The following PAM variants were observed in gnomAD, a reference collection of about 807,000 sequenced individuals.
PAM encodes peptidyl-glycine alpha-amidating monooxygenase.
Under a neutral mutation model 122.1 loss-of-function variants are expected in PAM, and 72 were observed. The ratio of observed to expected loss-of-function variants is 0.59; its 90% CI spans 0.49 to 0.72. The LOEUF is 0.72. Ranked by LOEUF, PAM falls within the 30% of genes least tolerant of loss-of-function variation. PAM has a pLI of 0.00. For missense variants in PAM, 1,106 were observed against 1,183.7 expected (o/e 0.93, Z 0.96); for synonymous variants, 389 against 404.4 (o/e 0.96, Z 0.46).
chr5:102,843,370 A>G (rs1483456846), intron 1 of PAM, among the ~76,000 whole-genome samples: 2 of 152,206 alleles, frequency 1.3e-5, no homozygotes, highest in African/African-American at 4.8e-5. Context: ...ACAAAAACGA[A>G]CACAAAATAG....
At chr5:102,758,084 T>TG (rs1461575054) in intron 1 of PAM, among the ~76,000 whole-genome samples, 2 of 43,000 alleles carry the variant, frequency 4.7e-5, no homozygotes, top group Non-Finnish European at 1.1e-4. Flanking sequence ...TTTTTTTTTT[T>TG]TTTTTTTTTT....
chr5:103,000,290 A>T (rs1274529041), intron 16 of PAM, among the ~76,000 whole-genome samples: 2 of 152,128 alleles, frequency 1.3e-5, no homozygotes, highest in African/African-American at 2.4e-5. Flanking sequence ...ACATAGCAAG[A>T]CCTTTATTCC....
At chr5:102,980,822 T>C (rs565124082) in intron 15 of PAM, among the ~76,000 whole-genome samples, 1 of 152,308 alleles carries the variant, frequency 6.6e-6, no homozygotes, top group South Asian at 2.1e-4. Flanking sequence ...AACACTTGGC[T>C]AAGTAATGTA....
chr5:102,872,232 G>A (rs1005848981), intron 3 of PAM, among the ~76,000 whole-genome samples: 5 of 152,080 alleles, frequency 3.3e-5, no homozygotes, highest in Admixed American at 2.0e-4. Context: ...GTGTATCTAA[G>A]CACATATATC....
rs1323898257 is a variant in PAM, at chr5:102,907,664, C to T, written c.268+6251C>T. Among the ~76,000 whole-genome samples, 4 of 151,690 alleles carry T rather than the reference C, an allele frequency of 2.6e-5. No individual in the cohort carries two copies. The East Asian group carries it at 7.8e-4, about 30-fold the overall frequency. ...TCCTGACTTTTTAATGATTGCCATT[C>T]TAACTGGTGTGAGATAGTATCTCAT... is the stretch of plus-strand genomic sequence containing the variant. On this transcript the variant is annotated intron_variant, in intron 4 of 25. Transcript: ENST00000438793.
At chr5:102,837,444 G>A (rs1488196877) in intron 1 of PAM, among the ~76,000 whole-genome samples, 1 of 152,156 alleles carries the variant, frequency 6.6e-6, no homozygotes, top group Non-Finnish European at 1.5e-5. Context: ...TTCAATAACT[G>A]TGTTGTATTT....
At chr5:102,967,788 T>C (rs1764567059) in intron 14 of PAM, among the ~76,000 whole-genome samples, 1 of 148,546 alleles carries the variant, frequency 6.7e-6, no homozygotes, top group Non-Finnish European at 1.5e-5. Context: ...CTATCTCAGC[T>C]CACAGCTCAC....
intron 7 of PAM, among the ~76,000 whole-genome samples, chr5:102,944,577 T>C (rs909134301): frequency 6.6e-6 from 1 of 152,170 alleles, no homozygotes; most frequent in Non-Finnish European, 1.5e-5. Flanking sequence ...CACTGTCTTT[T>C]CTACAAACCT....
chr5:102,945,651 TC>T (rs532975979), intron 7 of PAM, among the ~76,000 whole-genome samples: 63 of 151,800 alleles, frequency 4.2e-4, no homozygotes, highest in Non-Finnish European at 5.2e-4. Flanking sequence ...TCTATTCTTC[TC>T]CCCCCCTCTC....
intron 1 of PAM, among the ~76,000 whole-genome samples, chr5:102,795,766 C>G (rs548469827): frequency 8.5e-5 from 13 of 152,114 alleles, no homozygotes; most frequent in Non-Finnish European, 1.8e-4. Context: ...TGGTCTTCAG[C>G]CATAAAATAA....
At chr5:102,942,061 T>C (rs1349642015) in intron 7 of PAM, among the ~76,000 whole-genome samples, 2 of 152,000 alleles carry the variant, frequency 1.3e-5, no homozygotes, top group East Asian at 3.9e-4. Flanking sequence ...CCCAACTGTA[T>C]AGAAATATCT....
intron 4 of PAM, among the ~76,000 whole-genome samples, chr5:102,912,916 T>C (rs1801862882): frequency 6.6e-6 from 1 of 152,060 alleles, no homozygotes; most frequent in African/African-American, 2.4e-5. Flanking sequence ...AGTGCTATGT[T>C]TTTGGTCAGA....
chr5:103,027,381 C>A (rs945538181), intron 24 of PAM, among the ~76,000 whole-genome samples: 30 of 152,192 alleles, frequency 2.0e-4, no homozygotes, highest in South Asian at 1.7e-3. Context: ...ATGATGCTGA[C>A]TTCAGTCCTG....
At chr5:102,951,528 T>C (rs1414155249) in intron 12 of PAM, among the ~76,000 whole-genome samples, 2 of 152,114 alleles carry the variant, frequency 1.3e-5, no homozygotes, top group Non-Finnish European at 2.9e-5. Flanking sequence ...ATCTGGAAGC[T>C]AGAGTTTTAA....
At position 102,974,346 on chromosome 5, in the gene PAM, G is replaced by C; in HGVS notation, c.1393G>C (p.Val465Leu). 1 of 1,613,918 alleles carries C rather than the reference G, an allele frequency of 6.2e-7. No homozygotes were observed. Among genetic ancestry groups the C allele is most frequent in the African/African-American group, 1.3e-5 (1 of 75,016 alleles). ...CAGAATTCACAAATTCCACAGACTAGTATCTACCTTGAGGCCACCAGAGAG... is the reference window on the plus strand; with the variant it reads ...CAGAATTCACAAATTCCACAGACTACTATCTACCTTGAGGCCACCAGAGAG... ...RDRIHKFHRLVSTLRPPESRV... is the reference protein window; with the variant it reads ...RDRIHKFHRLLSTLRPPESRV... The change falls in exon 15 of 26, where the codon GTA becomes CTA. Residue 465 changes from valine to leucine, a missense_variant. Val to Leu is a conservative substitution (Grantham distance 32). Transcript: ENST00000438793.
At chr5:102,995,164 C>G (rs1236927725) in intron 16 of PAM, among the ~76,000 whole-genome samples, 1 of 152,112 alleles carries the variant, frequency 6.6e-6, no homozygotes, top group Admixed American at 6.6e-5. Context: ...TTCTTTCCTA[C>G]CTTAGGGTTT....
chr5:102,922,137 G>A (rs1344682737), intron 5 of PAM, among the ~76,000 whole-genome samples: 4 of 151,906 alleles, frequency 2.6e-5, no homozygotes, highest in Non-Finnish European at 4.4e-5. Context: ...CTCACCGAGA[G>A]GTAAGTTTCA....
chr5:102,862,235 T>A (rs532576265), intron 1 of PAM, among the ~76,000 whole-genome samples: 97 of 151,376 alleles, frequency 6.4e-4, no homozygotes, highest in African/African-American at 5.1e-4. Flanking sequence ...TTTTTTTTTT[T>A]AAAGGGGTGC....
At chr5:102,976,964 T>G (rs1767876638) in intron 15 of PAM, among the ~76,000 whole-genome samples, 1 of 152,132 alleles carries the variant, frequency 6.6e-6, no homozygotes, top group Non-Finnish European at 1.5e-5. Context: ...GCTTAGAAGA[T>G]GGAGATTTCT....
Sources: gnomAD v4.1 joint callset for allele counts (sites outside exome capture counted in the v4.1 genomes callset) on GRCh38, gnomAD v4.1.1 for gene constraint, MANE v1.5 for transcripts, NCBI Gene and HGNC (gene_info 2026-07-23, HGNC 2026-07-21) for gene names.